The following GALNT13 variants were observed in gnomAD, a reference collection of about 807,000 sequenced individuals.
The protein encoded by GALNT13 is UDP-GalNAc:polypeptide N-acetylgalactosaminyltransferase 13.
Under a neutral mutation model 64.2 loss-of-function variants are expected in GALNT13, and 28 were observed. The ratio of observed to expected loss-of-function variants is 0.44; its 90% CI spans 0.32 to 0.60. The LOEUF (loss-of-function observed/expected upper bound fraction) is 0.60, where lower values mean the gene tolerates loss of function less well. Among genes scored for constraint, GALNT13 ranks in the 20% least tolerant of loss-of-function variants. The pLI, the probability that GALNT13 is intolerant of heterozygous loss-of-function variation, is 0.05. For synonymous variants in GALNT13, 214 were observed against 224.6 expected (o/e 0.95, Z 0.42); for missense variants, 577 against 669.8 (o/e 0.86, Z 1.53).
the GALNT13 span, among the ~76,000 whole-genome samples, chr2:153,216,877 C>T: frequency 1.3e-5 from 2 of 151,702 alleles, no homozygotes; most frequent in Non-Finnish European, 2.9e-5. Context: ...TTTGCCTGAT[C>T]CAAGATCACA....
At chr2:153,778,612 T>C in the GALNT13 span, among the ~76,000 whole-genome samples, 1 of 152,222 alleles carries the variant, frequency 6.6e-6, no homozygotes, top group Non-Finnish European at 1.5e-5. Context: ...TACAAGTATC[T>C]TATGACTCAT....
chr2:153,787,220 C>T, the GALNT13 span, among the ~76,000 whole-genome samples: 1 of 152,074 alleles, frequency 6.6e-6, no homozygotes, highest in Admixed American at 6.5e-5. Context: ...AGAGGGAGAA[C>T]AACTGCAAAT....
At chr2:153,129,049 A>G in the GALNT13 span, among the ~76,000 whole-genome samples, 57 of 152,114 alleles carry the variant, frequency 3.7e-4, no homozygotes, top group Non-Finnish European at 3.4e-4. Flanking sequence ...GGAATTTTTT[A>G]GATAAGAGTA....
At chr2:153,134,705 G>A in the GALNT13 span, among the ~76,000 whole-genome samples, 1 of 152,056 alleles carries the variant, frequency 6.6e-6, no homozygotes. Context: ...CTAGGCCTAT[G>A]CTTCAATATT....
At chr2:153,475,820 G>A in the GALNT13 span, among the ~76,000 whole-genome samples, 8 of 152,158 alleles carry the variant, frequency 5.3e-5, no homozygotes, top group African/African-American at 1.4e-4. Context: ...CAGCCACAGC[G>A]TGAGTTAAAT....
At chr2:154,421,023 G>A (rs1700226276) in intron 11 of GALNT13, among the ~76,000 whole-genome samples, 1 of 151,944 alleles carries the variant, frequency 6.6e-6, no homozygotes. Context: ...TTTTAAATAT[G>A]AAAACTTATT....
chr2:153,522,337 A>G, the GALNT13 span, among the ~76,000 whole-genome samples: 2 of 151,548 alleles, frequency 1.3e-5, no homozygotes, highest in Admixed American at 1.3e-4. Context: ...TGTCTCAAGG[A>G]GAAAAAAATA....
At chr2:154,318,232 T>C (rs1215943038) in intron 9 of GALNT13, among the ~76,000 whole-genome samples, 1 of 152,186 alleles carries the variant, frequency 6.6e-6, no homozygotes, top group Non-Finnish European at 1.5e-5. Context: ...CTAATATTTC[T>C]AAGTTTAAAG....
At chr2:153,880,700 A>G (rs73005950) in intron 1 of GALNT13, among the ~76,000 whole-genome samples, 10,052 of 152,230 alleles carry the variant, frequency 0.066, 521 homozygotes, top group South Asian at 0.13. Flanking sequence ...AATATTAGAA[A>G]CAGTCTGTCA....
the GALNT13 span, among the ~76,000 whole-genome samples, chr2:153,514,292 A>G: frequency 6.6e-6 from 1 of 152,110 alleles, no homozygotes; most frequent in Non-Finnish European, 1.5e-5. Context: ...TTCGGTGACT[A>G]TATTTCTCAA....
the GALNT13 span, among the ~76,000 whole-genome samples, chr2:153,691,415 G>A: frequency 6.6e-6 from 1 of 152,024 alleles, no homozygotes; most frequent in Non-Finnish European, 1.5e-5. Flanking sequence ...GTAGGCTTTT[G>A]ATGTATGCTC....
chr2:153,489,289 A>G, the GALNT13 span, among the ~76,000 whole-genome samples: 1 of 152,222 alleles, frequency 6.6e-6, no homozygotes, highest in East Asian at 1.9e-4. Flanking sequence ...ACAATAATAC[A>G]AACAAAAGGC....
At chr2:154,039,781 A>G (rs1698874427) in intron 3 of GALNT13, among the ~76,000 whole-genome samples, 1 of 139,972 alleles carries the variant, frequency 7.1e-6, no homozygotes, top group Non-Finnish European at 1.6e-5. Flanking sequence ...AATGCCTCCT[A>G]CAAAAAGAAA....
chr2:153,913,455 A>G (rs938289776), intron 2 of GALNT13, among the ~76,000 whole-genome samples: 1 of 152,160 alleles, frequency 6.6e-6, no homozygotes, highest in Non-Finnish European at 1.5e-5. Flanking sequence ...CCCTAAGGCT[A>G]AAGTCTCCTA....
chr2:154,131,201 G>A (rs886768011), intron 3 of GALNT13, among the ~76,000 whole-genome samples: 2 of 151,912 alleles, frequency 1.3e-5, no homozygotes, highest in African/African-American at 4.8e-5. Flanking sequence ...ATGGTTTCCA[G>A]GAAACATTTG....
intron 3 of GALNT13, among the ~76,000 whole-genome samples, chr2:153,989,951 CAAAAA>C (rs940348103): frequency 6.6e-6 from 1 of 151,552 alleles, no homozygotes; most frequent in African/African-American, 2.4e-5. Flanking sequence ...TAAAACAAAA[CAAAAA>C]AGGATCAACA....
intron 10 of GALNT13, among the ~76,000 whole-genome samples, chr2:154,403,616 AATT>A (rs1310490493): frequency 2.6e-5 from 4 of 152,208 alleles, no homozygotes; most frequent in African/African-American, 9.6e-5. Context: ...CATAGATAGA[AATT>A]ATTTGCCTGA....
At chr2:153,340,940 T>A in the GALNT13 span, among the ~76,000 whole-genome samples, 944 of 152,288 alleles carry the variant, frequency 6.2e-3, 8 homozygotes, top group African/African-American at 0.022. Context: ...GTATGACTAG[T>A]TAGAAATGCA....
chr2:154,290,059 G>A (rs1327385717), intron 8 of GALNT13, among the ~76,000 whole-genome samples: 1 of 152,158 alleles, frequency 6.6e-6, no homozygotes. Flanking sequence ...TTGGGTAAAG[G>A]CTATAAAAGT....
Sources: gnomAD v4.1 joint callset for allele counts (sites outside exome capture counted in the v4.1 genomes callset) on GRCh38, gnomAD v4.1.1 for gene constraint, MANE v1.5 for transcripts, NCBI Gene and HGNC (gene_info 2026-07-23, HGNC 2026-07-21) for gene names.